Variants in NPAS3 observed in about 807,000 individuals in gnomAD.
NPAS3 encodes the protein neuronal PAS domain protein 3.
A neutral mutation model predicts 73.1 loss-of-function variants in NPAS3; 14 were observed. The observed-to-expected ratio is 0.19, with a 90% CI of 0.13 to 0.30. The LOEUF (loss-of-function observed/expected upper bound fraction) is 0.30, where lower values mean the gene tolerates loss of function less well. NPAS3 is among the 10% of genes least tolerant of loss of function. The pLI is 1.00. For synonymous variants in NPAS3, 620 were observed against 541.5 expected (o/e 1.14, Z -2.01); for missense variants, 1,096 against 1,250.0 (o/e 0.88, Z 1.86).
chr14:33,744,276 T>A (rs2061729211), intron 7 of NPAS3, among the ~76,000 whole-genome samples: 1 of 152,148 alleles, frequency 6.6e-6, no homozygotes, highest in Admixed American at 6.5e-5. Context: ...GGTTATTAAT[T>A]AGCCTAATTT....
intron 1 of NPAS3, among the ~76,000 whole-genome samples, chr14:33,003,842 G>C (rs1302397755): frequency 1.3e-5 from 2 of 152,152 alleles, no homozygotes; most frequent in Non-Finnish European, 2.9e-5. Context: ...TGATATTCTA[G>C]TCTTTTAAAG....
At position 33,758,191 on chromosome 14, in the gene NPAS3, C is replaced by T. The variant is rs546688194; in HGVS notation, c.853-16146C>T. Among the ~76,000 whole-genome samples the T allele has an allele frequency of 5.3e-5, 8 of 152,320 alleles. No individual in the cohort carries two copies. In the South Asian group the frequency reaches 1.7e-3, roughly 32 times the overall value. ...CTGCTTCACCTCCTCCAGCACCTCC[C>T]CACCTACTCCACTTTGTCCTCTGTC... On this transcript the variant is annotated intron_variant, in intron 7 of 11. Coordinates refer to ENST00000356141, the Ensembl canonical transcript of NPAS3.
chr14:33,348,370 A>G (rs2044850513), intron 3 of NPAS3, among the ~76,000 whole-genome samples: 1 of 152,128 alleles, frequency 6.6e-6, no homozygotes, highest in Admixed American at 6.5e-5. Context: ...TTGTCAGTTG[A>G]AAATCGCACA....
intron 4 of NPAS3, among the ~76,000 whole-genome samples, chr14:33,417,769 C>A (rs1411658298): frequency 6.6e-6 from 1 of 151,456 alleles, no homozygotes; most frequent in African/African-American, 2.4e-5. Flanking sequence ...GAAAAAAAAA[C>A]ATGAGGAGAT....
At chr14:32,995,720 C>G (rs1252922092) in intron 1 of NPAS3, among the ~76,000 whole-genome samples, 1 of 152,220 alleles carries the variant, frequency 6.6e-6, no homozygotes. Flanking sequence ...ATGTGACTTG[C>G]TCCTCCTTGC....
At chr14:33,648,700 G>C (rs752448363) in intron 5 of NPAS3, among the ~76,000 whole-genome samples, 8 of 152,164 alleles carry the variant, frequency 5.3e-5, no homozygotes, top group Non-Finnish European at 8.8e-5. Context: ...AGAGGGCAGT[G>C]ATGTCCTCAC....
At chr14:33,284,971 G>A (rs1433546912) in intron 3 of NPAS3, among the ~76,000 whole-genome samples, 1 of 152,156 alleles carries the variant, frequency 6.6e-6, no homozygotes, top group Non-Finnish European at 1.5e-5. Flanking sequence ...CACTATGCTA[G>A]TGTGCACTTT....
At chr14:33,398,263 G>A (rs2047306710) in intron 4 of NPAS3, among the ~76,000 whole-genome samples, 1 of 152,172 alleles carries the variant, frequency 6.6e-6, no homozygotes, top group South Asian at 2.1e-4. Flanking sequence ...GCCACACTGT[G>A]CAGAGCCCCA....
intron 4 of NPAS3, among the ~76,000 whole-genome samples, chr14:33,426,989 G>A (rs1361541930): frequency 6.6e-6 from 1 of 151,984 alleles, no homozygotes; most frequent in East Asian, 1.9e-4. Flanking sequence ...TTTCTTTACT[G>A]ATGGATAACA....
At chr14:33,397,738 T>C (rs149020716) in intron 4 of NPAS3, among the ~76,000 whole-genome samples, 80 of 152,220 alleles carry the variant, frequency 5.3e-4, no homozygotes, top group African/African-American at 1.9e-3. Context: ...ACATCTAAAC[T>C]ACAGTGTCCT....
intron 2 of NPAS3, among the ~76,000 whole-genome samples, chr14:33,113,807 T>C (rs201116165): frequency 6.6e-5 from 10 of 152,184 alleles, no homozygotes; most frequent in Non-Finnish European, 1.5e-5. Flanking sequence ...TGTGGGTTTG[T>C]CATAAATAGC....
chr14:33,060,204 T>G (rs1220635220), intron 2 of NPAS3, among the ~76,000 whole-genome samples: 2 of 152,042 alleles, frequency 1.3e-5, no homozygotes, highest in Non-Finnish European at 2.9e-5. Context: ...TAGGAAAGAG[T>G]CAACTGAGCT....
At chr14:33,204,078 T>C (rs919250177) in intron 2 of NPAS3, among the ~76,000 whole-genome samples, 3 of 152,204 alleles carry the variant, frequency 2.0e-5, no homozygotes, top group African/African-American at 4.8e-5. Flanking sequence ...CCGGTGATGA[T>C]GAGCATTTTT....
At chr14:33,071,848 A>G (rs973958448) in intron 2 of NPAS3, among the ~76,000 whole-genome samples, 5 of 152,182 alleles carry the variant, frequency 3.3e-5, no homozygotes, top group Non-Finnish European at 7.4e-5. Context: ...TGTAAATGAC[A>G]TGTTTCCATC....
rs540603980 is a variant in NPAS3, at chr14:33,444,167, C to T, written c.468+76899C>T. 1.0e-3 allele frequency among the ~76,000 whole-genome samples: 154 copies of T among 152,290 alleles called. 1 individual carries two copies. Among genetic ancestry groups the T allele is most frequent in the African/African-American group, 3.3e-3 (136 of 41,582 alleles). ...TGTCTGTTCACTATGCATTAAGAAT[C>T]TGTATGCCTAAAACTCAGGGCGTGG... On this transcript the variant is annotated intron_variant, in intron 4 of 11. Coordinates refer to ENST00000356141, the Ensembl canonical transcript of NPAS3.
chr14:33,573,295 C>G (rs2056302217), intron 5 of NPAS3, among the ~76,000 whole-genome samples: 2 of 152,148 alleles, frequency 1.3e-5, no homozygotes, highest in African/African-American at 2.4e-5. Context: ...GTGCTGGAAA[C>G]TGAGGCTATT....
chr14:33,379,114 A>G (rs991763788), intron 4 of NPAS3, among the ~76,000 whole-genome samples: 3 of 152,294 alleles, frequency 2.0e-5, no homozygotes, highest in East Asian at 1.9e-4. Context: ...AGTATAAGGT[A>G]TATGTGAAAT....
At chr14:32,981,751 GA>G (rs2037906747) in intron 1 of NPAS3, among the ~76,000 whole-genome samples, 1 of 152,140 alleles carries the variant, frequency 6.6e-6, no homozygotes. Flanking sequence ...GGGTGGTGTG[GA>G]GCGGGGGGTG....
chr14:33,791,268 C>T (rs558911279), intron 9 of NPAS3, among the ~76,000 whole-genome samples: 19 of 152,224 alleles, frequency 1.2e-4, no homozygotes, highest in Non-Finnish European at 2.4e-4. Flanking sequence ...CCAAGGAAGC[C>T]GTGAGCCATT....
Sources: gnomAD v4.1 joint callset for allele counts (sites outside exome capture counted in the v4.1 genomes callset) on GRCh38, gnomAD v4.1.1 for gene constraint, MANE v1.5 for transcripts, NCBI Gene and HGNC (gene_info 2026-07-23, HGNC 2026-07-21) for gene names.